Variants in KLHL15 observed in about 807,000 individuals in gnomAD.
KLHL15 encodes kelch like family member 15, also known as kelch-like protein 15.
In KLHL15, 1 loss-of-function variant was observed where a neutral mutation model predicts 29.3. The observed-to-expected ratio is 0.03, with a 90% confidence interval of 0.01 to 0.16. The LOEUF is 0.16. Ranked by LOEUF, KLHL15 falls within the 10% of genes least tolerant of loss-of-function variation. The probability of loss-of-function intolerance (pLI) is 1.00; values close to 1 mark genes in which losing one functional copy is unlikely to be tolerated. For missense variants in KLHL15, 215 were observed against 478.5 expected, an observed-to-expected ratio of 0.45 and a Z score of 5.14; for synonymous variants, 212 against 184.5, an observed-to-expected ratio of 1.15 and a Z score of -1.21.
Position 23,987,001 on chromosome X carries a change from T to C in KLHL15, c.*920A>G, listed in dbSNP as rs375474258. ...AAACAGACTGCAAAGAAAAACATTT[T>C]CAAAAAGAAAAGACATACATCGACA... is the stretch of plus-strand genomic sequence containing the variant. On this transcript the variant is annotated 3_prime_UTR_variant, in exon 4 of 4. Coordinates refer to ENST00000328046, the MANE Select transcript of KLHL15 (RefSeq NM_030624.3). 32 of 112,426 alleles carry C rather than the reference T, an allele frequency of 2.8e-4. No individual in the cohort carries two copies. Among genetic ancestry groups the C allele is most frequent in the African/African-American group, 9.0e-4 (28 of 31,033 alleles). The allele number at this position is 112,426 out of a possible 1,213,427, so 9.3% of individuals were successfully genotyped here.
chrX:24,026,160 TC>T (rs1429244275), intron 1 of KLHL15, among the ~76,000 whole-genome samples: 1 of 111,880 alleles, frequency 8.9e-6, no homozygotes, highest in Non-Finnish European at 1.9e-5. Flanking sequence ...TGCGTCACTG[TC>T]CACTTGGCTT....
At chrX:24,007,265 G>C (rs1164242831) in intron 2 of KLHL15, among the ~76,000 whole-genome samples, 2 of 108,424 alleles carry the variant, frequency 1.8e-5, no homozygotes, top group African/African-American at 6.7e-5. Context: ...GGCCGAAGTG[G>C]GTGGATCACC....
intron 2 of KLHL15, among the ~76,000 whole-genome samples, chrX:24,022,942 T>C (rs1055793015): frequency 1.8e-5 from 2 of 110,498 alleles, no homozygotes; most frequent in East Asian, 5.7e-4. Context: ...CCACGTTGGT[T>C]AGGCTGGTCT....
At chrX:24,005,483 A>T (rs964919513) in intron 3 of KLHL15, among the ~76,000 whole-genome samples, 13 of 111,710 alleles carry the variant, frequency 1.2e-4, no homozygotes, top group African/African-American at 4.2e-4. Flanking sequence ...GAAAATCACC[A>T]TTAGGGCCTA....
intron 2 of KLHL15, among the ~76,000 whole-genome samples, chrX:24,017,245 C>T (rs1397375038): frequency 9.2e-6 from 1 of 108,233 alleles, no homozygotes; most frequent in Non-Finnish European, 1.9e-5. Context: ...ATTCTATTTG[C>T]AAAAAATACA....
At chrX:24,009,188 G>A (rs1484739862) in intron 2 of KLHL15, among the ~76,000 whole-genome samples, 1 of 109,700 alleles carries the variant, frequency 9.1e-6, no homozygotes, top group Non-Finnish European at 1.9e-5. Flanking sequence ...GTAAAACCCT[G>A]TCTCTACTAA....
chrX:24,022,320 GCA>G (rs1929823761), intron 2 of KLHL15, among the ~76,000 whole-genome samples: 2 of 93,264 alleles, frequency 2.1e-5, no homozygotes, highest in Non-Finnish European at 4.1e-5. Flanking sequence ...GGGAGACAGA[GCA>G]AGACTGTGTC....
At chrX:24,011,635 C>T (rs1763310049) in intron 2 of KLHL15, among the ~76,000 whole-genome samples, 1 of 109,822 alleles carries the variant, frequency 9.1e-6, no homozygotes, top group Admixed American at 9.7e-5. Flanking sequence ...CAGGGCAAGA[C>T]TCTGTCTCAA....
intron 3 of KLHL15, among the ~76,000 whole-genome samples, chrX:23,997,607 C>A (rs892114045): frequency 1.2e-4 from 12 of 103,456 alleles, no homozygotes; most frequent in Non-Finnish European, 2.2e-4. Flanking sequence ...GGTGTGCACC[C>A]GTAGTCCCAG....
rs758506007 is a variant in KLHL15 at position 24,006,222 on chromosome X, G to T, written c.472C>A (p.Leu158Met). 21 of 1,211,452 alleles carry T rather than the reference G, an allele frequency of 1.7e-5. No individual in the cohort carries two copies. Among genetic ancestry groups the T allele is most frequent in the Non-Finnish European group, 1.8e-5 (16 of 895,175 alleles). Reference sequence around the variant, plus strand: ...ATGAGTGGCACAAAGTTGTCTAGCAGAAAGGTGTCTAACTTCTCCCTGACT... The same window carrying T: ...ATGAGTGGCACAAAGTTGTCTAGCATAAAGGTGTCTAACTTCTCCCTGACT... ...EGVREKLDTF[L>M]LDNFVPLMSR... Residue 158 changes from leucine to methionine, a missense_variant, in exon 3 of 4, where the codon CTG (leucine) becomes ATG (methionine). Physicochemically the swap from Leu to Met is conservative, Grantham distance 15. Transcript: ENST00000328046.
chrX:23,996,239 G>A (rs923875891), intron 3 of KLHL15, among the ~76,000 whole-genome samples: 3 of 111,901 alleles, frequency 2.7e-5, no homozygotes, highest in Non-Finnish European at 5.6e-5. Flanking sequence ...TCCAAAAAAT[G>A]CTAACCTAAT....
At chrX:24,021,344 T>C (rs1929799999) in intron 2 of KLHL15, among the ~76,000 whole-genome samples, 1 of 111,520 alleles carries the variant, frequency 9.0e-6, no homozygotes, top group South Asian at 3.7e-4. Context: ...ATGGTTCCCT[T>C]AGGGTCTTTG....
Position 24,011,403 on chromosome X carries a change from T to C in KLHL15, c.-7-4703A>G, listed in dbSNP as rs1326603988. Reference sequence around the variant, plus strand: ...CACGCCTGTGAGCCTCCCAGCACTTTGGGACACCAAGGTAGGCGGATCACG... The same window carrying C: ...CACGCCTGTGAGCCTCCCAGCACTTCGGGACACCAAGGTAGGCGGATCACG... On this transcript the variant is annotated intron_variant, in intron 2 of 3. Coordinates refer to ENST00000328046, the MANE Select transcript of KLHL15 (RefSeq NM_030624.3). Among the ~76,000 whole-genome samples, 8 of 109,512 alleles carry C rather than the reference T, an allele frequency of 7.3e-5. No individual in the cohort carries two copies. The East Asian group carries it at 1.7e-3, about 24-fold the overall frequency.
Position 24,006,661 on chromosome X carries a change from G to A in KLHL15, c.33C>T (p.Ser11=), listed in dbSNP as rs1295937089. The part of the protein sequence containing the change: MAGDVEGFCS[S]IHDTSVSAGF... ...CAGCAGAGACACTGGTGTCGTGGATGGAGGAACAGAATCCTTCCACGTCCC... is the reference window on the plus strand; with the variant it reads ...CAGCAGAGACACTGGTGTCGTGGATAGAGGAACAGAATCCTTCCACGTCCC... The change falls in exon 3 of 4, where the codon TCC becomes TCT. Residue 11 remains serine, a synonymous_variant. Transcript: ENST00000328046. The A allele has an allele frequency of 1.7e-6, 2 of 1,204,550 alleles. No individual in the cohort carries two copies. The highest frequency in any genetic ancestry group is 4.4e-5 in the Admixed American group (2 of 45,319).
At position 23,985,934 on chromosome X, in the gene KLHL15, G is replaced by GTATT. The variant is rs1388773595; in HGVS notation, c.*1983_*1986dup. On this transcript the variant is annotated 3_prime_UTR_variant, in exon 4 of 4. Coordinates refer to ENST00000328046, the MANE Select transcript of KLHL15 (RefSeq NM_030624.3). Reference sequence around the variant, plus strand: ...TCCTAACTTTCAAAAATAAAATAATGTATTTTTTAAATGTAGAAAAAGACT... The same window carrying GTATT: ...TCCTAACTTTCAAAAATAAAATAATGTATTTATTTTTTAAATGTAGAAAAAGACT... The GTATT allele has an allele frequency of 1.4e-5, 1 of 72,879 alleles. No homozygotes were observed. Among genetic ancestry groups the GTATT allele is most frequent in the Non-Finnish European group, 2.2e-5 (1 of 45,164 alleles). The allele number at this position is 72,879 out of a possible 1,213,427, so 6.0% of individuals were successfully genotyped here.
intron 2 of KLHL15, among the ~76,000 whole-genome samples, chrX:24,015,777 T>C (rs765354873): frequency 1.5e-4 from 17 of 112,004 alleles, no homozygotes; most frequent in Non-Finnish European, 2.8e-4. Context: ...GGTGGGCAGA[T>C]CACCTGAGGT....
intron 3 of KLHL15, among the ~76,000 whole-genome samples, chrX:23,992,009 T>C (rs1285642299): frequency 8.9e-6 from 1 of 112,206 alleles, no homozygotes; most frequent in Admixed American, 9.5e-5. Context: ...GCAAGAATCA[T>C]AAACCTCAAA....
intron 2 of KLHL15, among the ~76,000 whole-genome samples, chrX:24,019,057 T>C (rs1017952230): frequency 2.9e-4 from 33 of 111,914 alleles, no homozygotes; most frequent in Admixed American, 6.6e-4. Context: ...TTCTGTTTTC[T>C]AGAGGTTTAC....
At chrX:23,996,024 C>T (rs771493877) in intron 3 of KLHL15, among the ~76,000 whole-genome samples, 46 of 112,674 alleles carry the variant, frequency 4.1e-4, no homozygotes, top group African/African-American at 1.5e-3. Flanking sequence ...GCTGGGATTA[C>T]AGGCATGAGC....
Sources: allele counts gnomAD v4.1 joint callset (sites outside exome capture counted in the v4.1 genomes callset), GRCh38; gene constraint gnomAD v4.1.1; transcripts MANE v1.5; gene names NCBI Gene and HGNC (gene_info 2026-07-23, HGNC 2026-07-21).